The following SPATS2 variants were observed in gnomAD, a reference collection of about 807,000 sequenced individuals.
The protein encoded by SPATS2 is spermatogenesis associated serine rich 2.
SPATS2 carries 38 observed loss-of-function variants against 63.7 expected under a neutral mutation model. The observed-to-expected ratio is 0.60, with a 90% CI of 0.46 to 0.78. The LOEUF is 0.78. Among genes scored for constraint, SPATS2 ranks in the 30% least tolerant of loss-of-function variants. SPATS2 has a pLI of 0.00. For missense variants in SPATS2, 588 were observed against 666.2 expected (o/e 0.88, Z 1.29); for synonymous variants, 207 against 232.9 (o/e 0.89, Z 1.01).
intron 6 of SPATS2, among the ~76,000 whole-genome samples, chr12:49,492,527 C>A (rs1191129729): frequency 4.6e-5 from 7 of 152,054 alleles, no homozygotes; most frequent in Non-Finnish European, 1.0e-4. Flanking sequence ...CAGCTAACAC[C>A]AGTTTCTTAA....
chr12:49,377,171 C>A (rs1565691694), intron 2 of SPATS2, among the ~76,000 whole-genome samples: 1 of 152,020 alleles, frequency 6.6e-6, no homozygotes, highest in Admixed American at 6.6e-5. Context: ...TAATGTTTTT[C>A]ACCTCTGTTA....
intron 2 of SPATS2, among the ~76,000 whole-genome samples, chr12:49,398,193 A>C (rs1024893378): frequency 2.9e-4 from 44 of 151,650 alleles, no homozygotes; most frequent in African/African-American, 8.7e-4. Flanking sequence ...GGCTGACTGA[A>C]TGAATGAATG....
chr12:49,498,937 C>T (rs1292313279), intron 8 of SPATS2, among the ~76,000 whole-genome samples: 2 of 152,056 alleles, frequency 1.3e-5, no homozygotes, highest in African/African-American at 4.8e-5. Context: ...CAGGTGCGTG[C>T]CACCACACCC....
chr12:49,512,906 G>C, intron 9 of SPATS2: 2 of 1,289,076 alleles, frequency 1.6e-6, no homozygotes, highest in Non-Finnish European at 2.0e-6. Context: ...TATTGCCAAG[G>C]TTTGGGAAAT....
chr12:49,469,389 CAAAAAAAAAAAAAAA>C (rs779364300), intron 3 of SPATS2: 1 of 65,148 alleles, frequency 1.5e-5, no homozygotes, highest in Non-Finnish European at 2.8e-5. Flanking sequence ...GACTCTGTCT[CAAAAAAAAAAAAAAA>C]AAAAAAAAAG....
intron 2 of SPATS2, among the ~76,000 whole-genome samples, chr12:49,385,873 TG>T (rs1944308591): frequency 6.7e-6 from 1 of 148,902 alleles, no homozygotes; most frequent in South Asian, 2.1e-4. Flanking sequence ...GTTTGTTTTT[TG>T]TTTTTTTTTT....
rs1426093578 is a variant in SPATS2 at position 49,522,226 on chromosome 12, A to G, written c.1009-525A>G. The stretch of plus-strand genomic sequence containing the variant: ...TTGCAGCATAAACTTCTCATTTGCA[A>G]AGTTGACTTTTCACATGAATGATTT... On this transcript the variant is annotated intron_variant, in intron 11 of 13. Transcript: ENST00000552918. 3.7e-5 allele frequency among the ~76,000 whole-genome samples: 5 copies of G among 134,734 alleles called. No individual in the cohort carries two copies. The South Asian group carries it at 8.6e-4, about 23-fold the overall frequency. 88.4% of individuals were successfully genotyped at this position (134,734 alleles called of 152,430 possible).
chr12:49,450,646 C>T (rs1001745402), intron 2 of SPATS2, among the ~76,000 whole-genome samples: 8 of 152,012 alleles, frequency 5.3e-5, no homozygotes, highest in Non-Finnish European at 4.4e-5. Flanking sequence ...CAGGTTCAAG[C>T]GATTCTCCTG....
At chr12:49,397,185 T>C (rs762117033) in intron 2 of SPATS2, among the ~76,000 whole-genome samples, 52 of 152,328 alleles carry the variant, frequency 3.4e-4, no homozygotes, top group South Asian at 6.2e-4. Context: ...AGTTATCACT[T>C]CCTGAGAGAA....
chr12:49,446,151 G>T (rs745803673), intron 2 of SPATS2, among the ~76,000 whole-genome samples: 3 of 152,078 alleles, frequency 2.0e-5, no homozygotes, highest in African/African-American at 4.8e-5. Flanking sequence ...TGATCTGCCC[G>T]CCTTGACCTC....
At chr12:49,436,962 A>AC (rs1359360978) in intron 2 of SPATS2, among the ~76,000 whole-genome samples, 3 of 128,440 alleles carry the variant, frequency 2.3e-5, no homozygotes, top group Admixed American at 7.5e-5. Flanking sequence ...CAGGGGGCTA[A>AC]CCCCCCCACC....
chr12:49,506,882 A>T (rs1032018404), intron 9 of SPATS2, among the ~76,000 whole-genome samples: 3 of 152,028 alleles, frequency 2.0e-5, no homozygotes, highest in Admixed American at 6.6e-5. Context: ...TTATTGGGAC[A>T]TAACCCCATT....
rs552251736 is a variant in SPATS2, at chr12:49,489,210, A to G, written c.106-255A>G. 2.0e-5 allele frequency among the ~76,000 whole-genome samples: 3 copies of G among 152,344 alleles called. No homozygotes were observed. The East Asian group carries it at 5.8e-4, about 29-fold the overall frequency. ...CGAAATTAAACCACCTTTTCTTTAT[A>G]TGAAATCTAGCATATAACTTCTATT... On this transcript the variant is annotated intron_variant, in intron 4 of 13. Coordinates refer to ENST00000552918, the MANE Select transcript of SPATS2 (RefSeq NM_023071.4).
At chr12:49,392,706 C>T in intron 2 of SPATS2, among the ~76,000 whole-genome samples, 1 of 151,954 alleles carries the variant, frequency 6.6e-6, no homozygotes, top group Non-Finnish European at 1.5e-5. Context: ...CAGAGTGAGA[C>T]TCCATCTCAA....
chr12:49,504,835 C>T (rs1050994403), intron 9 of SPATS2, among the ~76,000 whole-genome samples: 2 of 139,658 alleles, frequency 1.4e-5, no homozygotes, highest in Non-Finnish European at 3.0e-5. Flanking sequence ...GTAGCGCCAT[C>T]GTGTCTCACT....
intron 2 of SPATS2, among the ~76,000 whole-genome samples, chr12:49,373,996 G>A (rs1169216111): frequency 6.6e-6 from 1 of 151,786 alleles, no homozygotes; most frequent in Non-Finnish European, 1.5e-5. Flanking sequence ...TGAGGCAAAA[G>A]GATTGCTTGA....
At chr12:49,375,739 C>T (rs1044098067) in intron 2 of SPATS2, among the ~76,000 whole-genome samples, 25 of 152,130 alleles carry the variant, frequency 1.6e-4, no homozygotes, top group Non-Finnish European at 2.9e-4. Context: ...AATGTAATGA[C>T]GGGAAGTTAA....
chr12:49,495,880 GT>G lies in SPATS2; in HGVS notation c.526+883del, dbSNP rs1946456357. ...AGCTTTTGTGAGAACTAGGCTGTTGGTTTTTATAGTCTCACATTTGTTTTCT... is the reference window on the plus strand; with the variant it reads ...AGCTTTTGTGAGAACTAGGCTGTTGGTTTTATAGTCTCACATTTGTTTTCT... On this transcript the variant is annotated intron_variant, in intron 7 of 13. Transcript: ENST00000552918. 2.0e-5 allele frequency among the ~76,000 whole-genome samples: 3 copies of G among 152,118 alleles called. No homozygotes were observed. In the South Asian group the frequency reaches 6.2e-4, roughly 32 times the overall value.
At chr12:49,516,188 T>A (rs1259000348) in intron 10 of SPATS2, among the ~76,000 whole-genome samples, 7 of 77,344 alleles carry the variant, frequency 9.1e-5, no homozygotes, top group Non-Finnish European at 9.3e-5. Flanking sequence ...TATATATATA[T>A]ATATATATAT....
Sources: allele counts gnomAD v4.1 joint callset (sites outside exome capture counted in the v4.1 genomes callset), GRCh38; gene constraint gnomAD v4.1.1; transcripts MANE v1.5; gene names NCBI Gene and HGNC (gene_info 2026-07-23, HGNC 2026-07-21).